Variants in SYCP2L observed in about 807,000 individuals in gnomAD.
SYCP2L encodes the protein synaptonemal complex protein 2-like.
Under a neutral mutation model 125.8 loss-of-function variants are expected in SYCP2L, and 98 were observed. The observed-to-expected ratio is 0.78, with a 90% confidence interval of 0.66 to 0.92. SYCP2L has a LOEUF of 0.92. SYCP2L is among the 40% of genes least tolerant of loss of function. SYCP2L has a pLI of 0.00. For synonymous variants in SYCP2L, 317 were observed against 325.4 expected, an observed-to-expected ratio of 0.97 and a Z score of 0.28; for missense variants, 842 against 936.4, an observed-to-expected ratio of 0.90 and a Z score of 1.32.
Position 10,926,392 on chromosome 6 carries a change from A to G in SYCP2L, c.1272A>G (p.Lys424=), listed in dbSNP as rs755038541. 5.6e-6 allele frequency: 9 copies of G among 1,613,888 alleles called. No homozygotes were observed. The African/African-American group carries it at 9.3e-5, about 17-fold the overall frequency. ...CAGAACTTTTTAGTAAGTCTGATAA[A>G]GAAGACAGGGAGAGTCCCAGTGGCC... is the stretch of plus-strand genomic sequence containing the variant. ...ISSELFSKSD[K]EDRESPSGLE... Residue 424 remains lysine, a synonymous_variant, in exon 16 of 30, where the codon AAA becomes AAG. Coordinates refer to ENST00000283141, the MANE Select transcript of SYCP2L (RefSeq NM_001040274.3).
At chr6:10,913,054 A>G (rs1780636467) in intron 14 of SYCP2L, 127 bp downstream of exon 14, 5 of 813,816 alleles carry the variant, frequency 6.1e-6, no homozygotes, top group African/African-American at 3.4e-5. Context: ...GCTGTATGGT[A>G]TGATAGAAGG....
In SYCP2L at chr6:10,907,703, C is replaced by T. The variant is rs754932983; in HGVS notation, c.819+19C>T. 1.2e-5 allele frequency: 20 copies of T among 1,608,592 alleles called. No individual in the cohort carries two copies. Among genetic ancestry groups the T allele is most frequent in the East Asian group, 8.9e-5 (4 of 44,804 alleles). ...TGAGACGGTGAGATTCCTGGCCATG[C>T]GAATTTCTTATTAGCCAATATTTAT... On this transcript the variant is annotated intron_variant, in intron 10 of 29. Transcript: ENST00000283141.
At chr6:10,947,669 A>G (rs1165013492) in intron 23 of SYCP2L, among the ~76,000 whole-genome samples, 1 of 152,080 alleles carries the variant, frequency 6.6e-6, no homozygotes, top group East Asian at 1.9e-4. Context: ...TAGTTATCCT[A>G]AGTAGATGAT....
intron 29 of SYCP2L, among the ~76,000 whole-genome samples, chr6:10,971,788 A>C (rs1212480890): frequency 9.8e-6 from 1 of 101,904 alleles, no homozygotes; most frequent in African/African-American, 4.1e-5. Context: ...GGTTCAAGCG[A>C]TTCTCCTGCC....
At chr6:10,901,248 C>T (rs945628231) in intron 6 of SYCP2L, among the ~76,000 whole-genome samples, 16 of 152,084 alleles carry the variant, frequency 1.1e-4, no homozygotes, top group African/African-American at 3.4e-4. Flanking sequence ...TTGTATATGA[C>T]AACAAGTTTA....
intron 23 of SYCP2L, among the ~76,000 whole-genome samples, chr6:10,953,712 G>GA (rs1281226086): frequency 3.3e-5 from 5 of 152,048 alleles, no homozygotes; most frequent in Non-Finnish European, 5.9e-5. Context: ...TGGTAGTGAA[G>GA]AAAAAAAATG....
At position 10,943,310 on chromosome 6, in the gene SYCP2L, G is replaced by A. The variant is rs138478800; in HGVS notation, c.1954+564G>A. Among the ~76,000 whole-genome samples the A allele has an allele frequency of 5.2e-3, 790 of 151,918 alleles. 4 individuals are homozygous for A. The highest frequency in any genetic ancestry group is 0.018 in the African/African-American group (733 of 41,446). On this transcript the variant is annotated intron_variant, in intron 23 of 29. Coordinates refer to ENST00000283141, the MANE Select transcript of SYCP2L (RefSeq NM_001040274.3). ...TTTTTTTCTCTACTTTTAAAATTAC[G>A]TATCGAAAGGATTCAACTAGTTATA...
At chr6:10,892,125 G>A (rs1450481494) in intron 2 of SYCP2L, among the ~76,000 whole-genome samples, 1 of 152,156 alleles carries the variant, frequency 6.6e-6, no homozygotes, top group African/African-American at 2.4e-5. Context: ...AAAGTGGTGG[G>A]GTGAAGTAGC....
At chr6:10,958,680 T>C in intron 25 of SYCP2L, 104 bp from the exon 26 acceptor site, 1 of 1,051,312 alleles carries the variant, frequency 9.5e-7, no homozygotes, top group Non-Finnish European at 1.4e-6. Flanking sequence ...ACATTTGCTA[T>C]GAATATTATT....
intron 6 of SYCP2L, among the ~76,000 whole-genome samples, chr6:10,901,267 A>G (rs549435517): frequency 3.9e-5 from 6 of 152,334 alleles, no homozygotes; most frequent in Non-Finnish European, 8.8e-5. Flanking sequence ...TAATGTGTTA[A>G]AGAAATGTAA....
At chr6:10,902,639 C>T (rs2113301371) in intron 6 of SYCP2L, 38 bp from the exon 7 acceptor site, 1 of 1,575,616 alleles carries the variant, frequency 6.3e-7, no homozygotes, top group South Asian at 1.1e-5. Context: ...TCTTACTCTT[C>T]CAAACATAAA....
intron 23 of SYCP2L, among the ~76,000 whole-genome samples, chr6:10,951,113 G>A (rs1395199238): frequency 6.6e-6 from 1 of 152,004 alleles, no homozygotes; most frequent in Non-Finnish European, 1.5e-5. Context: ...AGGGAATGGA[G>A]TAAGAAACTT....
intron 14 of SYCP2L, among the ~76,000 whole-genome samples, chr6:10,921,794 C>T (rs1354044330): frequency 6.6e-6 from 1 of 152,126 alleles, no homozygotes; most frequent in Non-Finnish European, 1.5e-5. Context: ...CAAGCTCCGC[C>T]TCCTGGGTTC....
intron 10 of SYCP2L, among the ~76,000 whole-genome samples, chr6:10,908,153 G>T (rs541297529): frequency 6.6e-6 from 1 of 152,192 alleles, no homozygotes; most frequent in East Asian, 1.9e-4. Flanking sequence ...CTCCCAAAGT[G>T]CTGGAATTAT....
chr6:10,919,770 G>T (rs182671483), intron 14 of SYCP2L, among the ~76,000 whole-genome samples: 201 of 152,190 alleles, frequency 1.3e-3, no homozygotes, highest in African/African-American at 4.6e-3. Flanking sequence ...GGGGATATGG[G>T]TGAGGTTCCC....
At chr6:10,929,388 A>T (rs551633390) in intron 18 of SYCP2L, among the ~76,000 whole-genome samples, 64 of 152,342 alleles carry the variant, frequency 4.2e-4, no homozygotes, top group African/African-American at 1.4e-3. Context: ...CTTAAGAGGC[A>T]GGAGGGCTTG....
At chr6:10,959,507 G>A (rs1483325312) in intron 26 of SYCP2L, among the ~76,000 whole-genome samples, 2 of 152,200 alleles carry the variant, frequency 1.3e-5, no homozygotes. Context: ...TGTACTTAAT[G>A]CCATTGAATT....
Position 10,894,110 on chromosome 6 carries a change from CTG to C in SYCP2L, c.246_247del (p.Ser83ThrfsTer18), listed in dbSNP as rs1390584038. ...GAACTAGATAAAAATGAATTTCAGT[CTG>C]TGTCACTGTTGCTGAAATGTATTCA... On this transcript the variant is annotated frameshift_variant, in exon 4 of 30. Coordinates refer to ENST00000283141, the MANE Select transcript of SYCP2L (RefSeq NM_001040274.3). LOFTEE classifies it high-confidence loss of function. The C allele has an allele frequency of 1.2e-6, 2 of 1,612,656 alleles. No individual in the cohort carries two copies. Among genetic ancestry groups the C allele is most frequent in the Non-Finnish European group, 1.7e-6 (2 of 1,179,656 alleles).
At chr6:10,888,154 T>C (rs1445983605) in intron 1 of SYCP2L, among the ~76,000 whole-genome samples, 1 of 137,704 alleles carries the variant, frequency 7.3e-6, no homozygotes, top group Non-Finnish European at 1.5e-5. Flanking sequence ...TGGAGTGCAG[T>C]GGCGTGATCT....
Sources: allele counts gnomAD v4.1 joint callset (sites outside exome capture counted in the v4.1 genomes callset), GRCh38; gene constraint gnomAD v4.1.1; transcripts MANE v1.5; gene names NCBI Gene and HGNC (gene_info 2026-07-23, HGNC 2026-07-21).